ST8SIA1: variants seen among roughly 807,000 people sequenced by gnomAD.
The protein encoded by ST8SIA1 is ST8 alpha-N-acetyl-neuraminide alpha-2,8-sialyltransferase 1.
Under a neutral mutation model 35.9 loss-of-function variants are expected in ST8SIA1, and 16 were observed. The ratio of observed to expected loss-of-function variants is 0.45; its 90% CI spans 0.30 to 0.68. The LOEUF is 0.68. ST8SIA1 is among the 30% of genes least tolerant of loss of function. The pLI is 0.09. For missense variants in ST8SIA1, 383 were observed against 453.6 expected, an observed-to-expected ratio of 0.84 and a Z score of 1.41; for synonymous variants, 170 against 169.6, an observed-to-expected ratio of 1.00 and a Z score of -0.02.
intron 4 of ST8SIA1, among the ~76,000 whole-genome samples, chr12:22,213,183 C>T (rs1426338599): frequency 1.3e-5 from 2 of 152,090 alleles, no homozygotes; most frequent in African/African-American, 4.8e-5. Flanking sequence ...CATTCCCTAG[C>T]CCCCTGCCCA....
At chr12:22,333,702 T>C in intron 1 of ST8SIA1, 1 of 554,414 alleles carries the variant, frequency 1.8e-6, no homozygotes, top group Non-Finnish European at 3.3e-6. Context: ...TCTCCTTCCC[T>C]CTGTTTTGTT....
At chr12:22,312,707 G>A (rs1449338615) in intron 1 of ST8SIA1, among the ~76,000 whole-genome samples, 2 of 144,828 alleles carry the variant, frequency 1.4e-5, no homozygotes, top group African/African-American at 5.3e-5. Flanking sequence ...GGGGCGTCAC[G>A]GAAATGAAAA....
intron 2 of ST8SIA1, among the ~76,000 whole-genome samples, chr12:22,277,656 C>T (rs919088646): frequency 5.9e-5 from 9 of 152,006 alleles, no homozygotes; most frequent in East Asian, 1.9e-4. Flanking sequence ...CATGAGCCAC[C>T]GCGCCTGTCT....
chr12:22,308,614 G>A lies in ST8SIA1; in HGVS notation c.237-21321C>T, dbSNP rs142909672. Among the ~76,000 whole-genome samples, 167 of 152,036 alleles carry A rather than the reference G, an allele frequency of 1.1e-3. 1 individual carries two copies. The highest frequency in any genetic ancestry group is 3.4e-3 in the Middle Eastern group (1 of 292). On this transcript the variant is annotated intron_variant, in intron 1 of 4. Transcript: ENST00000396037. ...AACCAAATATCTCAAAATAATTACC[G>A]CCTCTATTTCTTCACCATCCTTATT... is the stretch of plus-strand genomic sequence containing the variant.
intron 3 of ST8SIA1, among the ~76,000 whole-genome samples, chr12:22,254,862 C>A (rs1458797419): frequency 6.6e-6 from 1 of 152,202 alleles, no homozygotes; most frequent in Non-Finnish European, 1.5e-5. Flanking sequence ...GCTACTTACA[C>A]ATGATTTGAT....
At chr12:22,266,283 C>T (rs1241353282) in intron 2 of ST8SIA1, among the ~76,000 whole-genome samples, 1 of 151,854 alleles carries the variant, frequency 6.6e-6, no homozygotes, top group Non-Finnish European at 1.5e-5. Context: ...ACAAGAGGCA[C>T]ACCGGAATTC....
intron 3 of ST8SIA1, among the ~76,000 whole-genome samples, chr12:22,255,030 C>T (rs1234494861): frequency 6.6e-6 from 1 of 152,156 alleles, no homozygotes; most frequent in African/African-American, 2.4e-5. Context: ...CCCCTGCTCC[C>T]TTTATTCACA....
chr12:22,323,306 C>T (rs1241108406), intron 1 of ST8SIA1, among the ~76,000 whole-genome samples: 2 of 152,184 alleles, frequency 1.3e-5, no homozygotes, highest in African/African-American at 4.8e-5. Context: ...ACTTTGCACA[C>T]TGAAAGAGGC....
At chr12:22,214,263 A>G (rs1032641885) in intron 4 of ST8SIA1, among the ~76,000 whole-genome samples, 1 of 152,182 alleles carries the variant, frequency 6.6e-6, no homozygotes, top group Non-Finnish European at 1.5e-5. Flanking sequence ...TTGAGGCAAG[A>G]TCAATAAAAT....
At chr12:22,310,588 A>G (rs1866437585) in intron 1 of ST8SIA1, among the ~76,000 whole-genome samples, 1 of 152,210 alleles carries the variant, frequency 6.6e-6, no homozygotes, top group Non-Finnish European at 1.5e-5. Context: ...TGCTTTCTGG[A>G]TATGTTGTTT....
At chr12:22,315,930 G>A (rs543976478) in intron 1 of ST8SIA1, among the ~76,000 whole-genome samples, 6 of 152,124 alleles carry the variant, frequency 3.9e-5, no homozygotes, top group African/African-American at 9.6e-5. Context: ...TATGGCACAC[G>A]TTTACCTGTG....
chr12:22,330,003 G>A (rs537755228), intron 1 of ST8SIA1, among the ~76,000 whole-genome samples: 12 of 152,178 alleles, frequency 7.9e-5, no homozygotes, highest in Admixed American at 3.3e-4. Context: ...TCCTGGCTTC[G>A]TCCTACCACC....
At chr12:22,245,267 T>C (rs964576723) in intron 4 of ST8SIA1, among the ~76,000 whole-genome samples, 4 of 152,230 alleles carry the variant, frequency 2.6e-5, no homozygotes, top group African/African-American at 7.2e-5. Flanking sequence ...ATGCACATGG[T>C]ATTATAGTAC....
chr12:22,239,193 T>TA (rs1447315291), intron 4 of ST8SIA1, among the ~76,000 whole-genome samples: 1 of 152,198 alleles, frequency 6.6e-6, no homozygotes, highest in East Asian at 1.9e-4. Flanking sequence ...TTTGCATTTT[T>TA]AAAAATTTTA....
intron 2 of ST8SIA1, among the ~76,000 whole-genome samples, chr12:22,284,773 T>C (rs1449684483): frequency 6.6e-6 from 1 of 152,242 alleles, no homozygotes; most frequent in African/African-American, 2.4e-5. Flanking sequence ...ACAGAATTCA[T>C]TTGCACAGAC....
In ST8SIA1 at chr12:22,308,492, T is replaced by G. The variant is rs187423925; in HGVS notation, c.237-21199A>C. 3.0e-3 allele frequency among the ~76,000 whole-genome samples: 459 copies of G among 152,316 alleles called. 1 individual carries two copies. Among genetic ancestry groups the G allele is most frequent in the Non-Finnish European group, 5.4e-3 (368 of 68,020 alleles). On this transcript the variant is annotated intron_variant, in intron 1 of 4. Transcript: ENST00000396037. ...CCTTCTTAACTAGATCTTTAATTTT[T>G]GCCCATAAAAATACTTATTTCTCAA...
chr12:22,304,450 G>A (rs1379412198), intron 1 of ST8SIA1, among the ~76,000 whole-genome samples: 2 of 150,948 alleles, frequency 1.3e-5, no homozygotes, highest in Non-Finnish European at 1.5e-5. Context: ...GCTGAATGAG[G>A]AACCTAAAAT....
chr12:22,211,335 T>C (rs984585013), intron 4 of ST8SIA1, among the ~76,000 whole-genome samples: 1 of 152,154 alleles, frequency 6.6e-6, no homozygotes, highest in Admixed American at 6.5e-5. Flanking sequence ...CCCTCTCTCC[T>C]CCCTGGAGAC....
At position 22,315,102 on chromosome 12, in the gene ST8SIA1, A is replaced by C. The variant is rs564416216; in HGVS notation, c.236+18895T>G. 3.9e-5 allele frequency among the ~76,000 whole-genome samples: 6 copies of C among 152,222 alleles called. No individual in the cohort carries two copies. In the East Asian group the frequency reaches 1.2e-3, roughly 29 times the overall value. ...GTACCAGCATTTAATTGTCTGACCC[A>C]CTAGTTACAATTACCTGGAGATCAG... On this transcript the variant is annotated intron_variant, in intron 1 of 4. Transcript: ENST00000396037.
Sources: allele counts gnomAD v4.1 joint callset (sites outside exome capture counted in the v4.1 genomes callset), GRCh38; gene constraint gnomAD v4.1.1; transcripts MANE v1.5; gene names NCBI Gene and HGNC (gene_info 2026-07-23, HGNC 2026-07-21).